The following MEG3 variants were observed in gnomAD, a reference collection of about 807,000 sequenced individuals.
The protein encoded by MEG3 is maternally expressed 3, also known as Very putative protein from MEG3 locus.
At chr14:100,858,712 A>C (rs1264075026) in exon 1 of MEG3, 1 of 152,970 alleles carries the variant, frequency 6.5e-6, no homozygotes, top group Non-Finnish European at 1.5e-5. Flanking sequence ...GGGTCCCCTG[A>C]TTCTCTCCTC....
At chr14:100,857,053 G>A (rs1318905605), upstream of MEG3, 2 of 152,136 alleles carry the variant, frequency 1.3e-5, no homozygotes, top group African/African-American at 4.8e-5. Context: ...GATAGCTAAT[G>A]AAATTGTAAC....
chr14:100,827,422 C>T (rs1218892265), intron 1 of MEG3: 1 of 152,126 alleles, frequency 6.6e-6, no homozygotes, highest in African/African-American at 2.4e-5. Context: ...ATTCGTTTAC[C>T]CAAGAGGGAA....
chr14:100,836,260 T>G, exon 2 of MEG3: 1 of 456,580 alleles, frequency 2.2e-6, no homozygotes, highest in Non-Finnish European at 4.4e-6. Flanking sequence ...CGGACCCAAG[T>G]CTTCTTCCTG....
chr14:100,853,979 G>A (rs2038165813), upstream of MEG3: 1 of 152,212 alleles, frequency 6.6e-6, no homozygotes, highest in African/African-American at 2.4e-5. Context: ...AATGGAGGAA[G>A]GAGCGAGTGA....
rs571968910 is a variant in MEG3, at chr14:100,858,643, G to A, written n.1399G>A. On this transcript the variant is annotated non_coding_transcript_exon_variant, in exon 1 of 2. Coordinates refer to the MEG3 transcript ENST00000398460. ...CTTCTTTCTCAGCCTGAGCTTTACC[G>A]TGAGGTCTGGGCGCCACACCTTGGC... The A allele has an allele frequency of 2.1e-3, 317 of 153,050 alleles. 1 individual carries two copies. The highest frequency in any genetic ancestry group is 2.9e-3 in the Non-Finnish European group (195 of 68,262). 9.5% of individuals were successfully genotyped at this position (153,050 alleles called of 1,614,324 possible). A position where few individuals can be genotyped will look rare whatever the true frequency, so the allele number is the denominator to read the frequency against.
chr14:100,834,376 C>T (rs1043136223), exon 1 of MEG3: 5 of 261,670 alleles, frequency 1.9e-5, no homozygotes, highest in Non-Finnish European at 3.0e-5. Context: ...AATCAGCTGG[C>T]CCCCGGCAGG....
chr14:100,860,193 G>A, exon 1 of MEG3: 1 of 185,824 alleles, frequency 5.4e-6, no homozygotes, highest in Non-Finnish European at 1.1e-5. Context: ...GGGAGACAGT[G>A]GCAGAGGGAA....
chr14:100,853,670 C>A (rs545999121), upstream of MEG3: 1 of 152,048 alleles, frequency 6.6e-6, no homozygotes, highest in Admixed American at 6.6e-5. Context: ...TCACTTGCTG[C>A]GTTGTGCCTT....
downstream of MEG3, chr14:100,832,308 A>G (rs1012492766): frequency 3.3e-5 from 5 of 152,170 alleles, no homozygotes; most frequent in African/African-American, 1.2e-4. Flanking sequence ...AACTCCTTCC[A>G]TCGAGTTTAA....
At chr14:100,836,403 A>C in intron 2 of MEG3, 1 of 433,020 alleles carries the variant, frequency 2.3e-6, no homozygotes, top group Non-Finnish European at 4.5e-6. Flanking sequence ...GGGAGGAGGC[A>C]CCCTGCCAAG....
At chr14:100,834,049 C>T (rs983954602), downstream of MEG3, 1 of 152,276 alleles carries the variant, frequency 6.6e-6, no homozygotes, top group African/African-American at 2.4e-5. Flanking sequence ...AATCTTTCAT[C>T]CCCTTTTGCC....
intron 1 of MEG3, chr14:100,836,128 T>C (rs75202728): frequency 7.3e-5 from 31 of 422,940 alleles, no homozygotes; most frequent in African/African-American, 5.4e-4. Flanking sequence ...TCCGGGGCGC[T>C]TGCCTTGCCA....
At chr14:100,854,013 G>T (rs1286113143), upstream of MEG3, 1 of 152,276 alleles carries the variant, frequency 6.6e-6, no homozygotes, top group African/African-American at 2.4e-5. Context: ...TGATGGATAA[G>T]AGGGTGGAAG....
In MEG3 at chr14:100,845,527, C is replaced by T. The variant is rs770007989; in HGVS notation, n.3115C>T. Reference sequence around the variant, plus strand: ...GTGGGACCCCAGCCCCTCTCCAGCTCGAAATCGTAAGTGGCTGGAGTGTAA... The same window carrying T: ...GTGGGACCCCAGCCCCTCTCCAGCTTGAAATCGTAAGTGGCTGGAGTGTAA... On this transcript the variant is annotated non_coding_transcript_exon_variant, in exon 3 of 4. Coordinates refer to the MEG3 transcript ENST00000398461. This position sits in a 1 kb window ranked among gnomAD's most constrained non-coding sequence, Gnocchi z 5.2. The T allele has an allele frequency of 7.4e-5, 34 of 456,594 alleles. No homozygotes were observed. The highest frequency in any genetic ancestry group is 1.6e-4 in the Admixed American group (7 of 42,564). 28.3% of individuals were successfully genotyped at this position (456,594 alleles called of 1,614,324 possible). A position where few individuals can be genotyped will look rare whatever the true frequency, so the allele number is the denominator to read the frequency against.
chr14:100,843,432 G>A (rs986179281), intron 2 of MEG3, among the ~76,000 whole-genome samples: 16 of 152,196 alleles, frequency 1.1e-4, no homozygotes, highest in Admixed American at 4.6e-4. Flanking sequence ...GTGGTGGTCA[G>A]TAGATAATGG....
chr14:100,857,905 C>T (rs1467608831), exon 1 of MEG3: 2 of 152,186 alleles, frequency 1.3e-5, no homozygotes, highest in African/African-American at 4.8e-5. Flanking sequence ...TGCTTCCATC[C>T]TGCGCTCTGA....
At chr14:100,836,358 C>G in intron 2 of MEG3, 1 of 445,486 alleles carries the variant, frequency 2.2e-6, no homozygotes, top group South Asian at 1.6e-5. Context: ...CATGTCTCTC[C>G]TCTCTGATCA....
upstream of MEG3, chr14:100,852,802 A>G: frequency 4.9e-6 from 1 of 205,978 alleles, no homozygotes; most frequent in Non-Finnish European, 1.0e-5. Context: ...CTGCTAGGAG[A>G]GCCTGCTCCC....
chr14:100,847,664 A>C (rs939397565), intron 3 of MEG3: 4 of 152,194 alleles, frequency 2.6e-5, no homozygotes, highest in African/African-American at 9.7e-5. Context: ...ATAGACAAGG[A>C]TGAGGTGAAT....
Sources: gnomAD v4.1 joint callset for allele counts (sites outside exome capture counted in the v4.1 genomes callset) on GRCh38, gnomAD v4.1.1 for gene constraint, Gnocchi (gnomAD v3.1) non-coding constraint, MANE v1.5 for transcripts, NCBI Gene and HGNC (gene_info 2026-07-23, HGNC 2026-07-21) for gene names.